Variants in SLC47A1 observed in about 807,000 individuals in gnomAD.
The protein encoded by SLC47A1 is solute carrier family 47 member 1, also known as multidrug and toxin extrusion protein 1.
In SLC47A1, 58 loss-of-function variants were observed where a neutral mutation model predicts 65.8. The ratio of observed to expected loss-of-function variants is 0.88; its 90% confidence interval spans 0.71 to 1.10. The LOEUF is 1.10. SLC47A1 is among the 50% of genes least tolerant of loss of function. SLC47A1 has a pLI of 0.00. For synonymous variants in SLC47A1, 285 were observed against 295.0 expected (o/e 0.97, Z 0.35); for missense variants, 706 against 719.2 (o/e 0.98, Z 0.21).
chr17:19,577,493 G>C lies in SLC47A1; in HGVS notation c.1653G>C (p.Leu551=). ...TGCTGCGGCGAGGGCTTCTGCTCCT[G>C]GGGGTCTTCTTAATCTTGCTGGTGG... The part of the protein sequence containing the change: ...QLVLRRGLLL[L]GVFLILLVGI... The change falls in exon 17 of 17, where the codon CTG becomes CTC. Residue 551 remains leucine (L), a synonymous_variant. Transcript: ENST00000270570. 6.2e-7 allele frequency: 1 copy of C among 1,614,146 alleles called. No individual in the cohort carries two copies. Among genetic ancestry groups the C allele is most frequent in the Middle Eastern group, 1.6e-4 (1 of 6,062 alleles).
chr17:19,575,401 CTTT>C (rs1215041320), intron 16 of SLC47A1, among the ~76,000 whole-genome samples: 9 of 137,132 alleles, frequency 6.6e-5, no homozygotes, highest in Non-Finnish European at 9.4e-5. Context: ...ATTATTATTC[CTTT>C]TTTTTTTTTT....
chr17:19,577,239 A>G (rs2084447697), intron 16 of SLC47A1, 88 bp from the exon 17 acceptor site: 1 of 1,529,732 alleles, frequency 6.5e-7, no homozygotes. Context: ...TCTCTCCACT[A>G]TTAGCACATA....
rs549431476 is a variant in SLC47A1, at chr17:19,561,512, G to A, written c.1106+1019G>A. ...GAAAAAATTAGCTGGGCGTGGTGGCGGGCGCCTGTAGTCCCAGCTACTTGG... is the reference window on the plus strand; with the variant it reads ...GAAAAAATTAGCTGGGCGTGGTGGCAGGCGCCTGTAGTCCCAGCTACTTGG... On this transcript the variant is annotated intron_variant, in intron 12 of 16. Coordinates refer to ENST00000270570, the MANE Select transcript of SLC47A1 (RefSeq NM_018242.3). 9.9e-5 allele frequency among the ~76,000 whole-genome samples: 15 copies of A among 151,134 alleles called. No homozygotes were observed. The East Asian group carries it at 1.8e-3, about 18-fold the overall frequency.
In SLC47A1 at chr17:19,534,000, C is replaced by A; in HGVS notation, c.61C>A (p.Arg21Ser). Residue 21 changes from arginine (R) to serine (S), a missense_variant, in exon 1 of 17, where the codon CGT becomes AGT. By Grantham distance (110) the Arg-to-Ser change is moderately radical. Coordinates refer to ENST00000270570, the MANE Select transcript of SLC47A1 (RefSeq NM_018242.3). ...AGGCCCGGAGGCCACCCTTGAGGTC[C>A]GTGGGTCGCGCTGCTTGCGGCTGTC... is the stretch of plus-strand genomic sequence containing the variant. ...RGGPEATLEV[R>S]GSRCLRLSAF... 6.5e-7 allele frequency: 1 copy of A among 1,544,908 alleles called. No individual in the cohort carries two copies. Among genetic ancestry groups the A allele is most frequent in the East Asian group, 2.5e-5 (1 of 40,602 alleles).
At chr17:19,548,962 G>A (rs1466797955) in intron 4 of SLC47A1, among the ~76,000 whole-genome samples, 1 of 152,114 alleles carries the variant, frequency 6.6e-6, no homozygotes, top group Admixed American at 6.6e-5. Flanking sequence ...GACAATGTCT[G>A]AAGACATTTC....
chr17:19,565,453 G>C (rs2084348141), intron 12 of SLC47A1, among the ~76,000 whole-genome samples: 1 of 152,120 alleles, frequency 6.6e-6, no homozygotes. Flanking sequence ...GGGAACGGGG[G>C]AGGGATGTCA....
chr17:19,560,056 T>G, intron 10 of SLC47A1, 132 bp from the exon 11 acceptor site: 1 of 643,924 alleles, frequency 1.6e-6, no homozygotes, highest in Non-Finnish European at 2.7e-6. Flanking sequence ...AAAGGGGATG[T>G]TGCAAATCAG....
At position 19,558,020 on chromosome 17, in the gene SLC47A1, A is replaced by G. The variant is rs1916669755; in HGVS notation, c.921+1958A>G. 3 of 216,758 alleles carry G rather than the reference A, an allele frequency of 1.4e-5. No individual in the cohort carries two copies. In the South Asian group the frequency reaches 2.0e-4, roughly 14 times the overall value. The allele number at this position is 216,758 out of a possible 1,614,324, so 13.4% of individuals were successfully genotyped here. A position where few individuals can be genotyped will look rare whatever the true frequency, so the allele number is the denominator to read the frequency against. On this transcript the variant is annotated intron_variant, in intron 10 of 16. Transcript: ENST00000270570. ...TTTACACTTGTATTTCTTAATCAAA[A>G]GAAAGATGTATGCCCTTTCCTCAGG...
At position 19,555,547 on chromosome 17, in the gene SLC47A1, G is replaced by A; in HGVS notation, c.642-46G>A. 2.5e-6 allele frequency: 4 copies of A among 1,578,142 alleles called. No individual in the cohort carries two copies. The East Asian group carries it at 9.0e-5, about 35-fold the overall frequency. On this transcript the variant is annotated intron_variant, in intron 7 of 16. Transcript: ENST00000270570. The stretch of plus-strand genomic sequence containing the variant: ...CCCTCCTCACTGAGTTGGGCAGGGA[G>A]AGGCGCAGGAAGGTACCTCCCTCTC...
rs1916446407 is a variant in SLC47A1 at position 19,551,467 on chromosome 17, A to G, written c.542A>G (p.Gln181Arg). The part of the protein sequence containing the change: ...YMLQVKYLLN[Q>R]GIVLPQIVTG... ...TTACAAGTTAAATATTTGCTCAACC[A>G]GGTAATACTGACTGTTCTCTTCCTT... The change falls in exon 6 of 17, where the codon CAG becomes CGG. Residue 181 changes from glutamine to arginine, a missense_variant and splice_region_variant. Coordinates refer to ENST00000270570, the MANE Select transcript of SLC47A1 (RefSeq NM_018242.3). 2.5e-6 allele frequency: 4 copies of G among 1,609,862 alleles called. 1 individual carries two copies. The South Asian group carries it at 4.4e-5, about 18-fold the overall frequency.
At chr17:19,556,377 A>G (rs1412840947) in intron 10 of SLC47A1, among the ~76,000 whole-genome samples, 1 of 152,066 alleles carries the variant, frequency 6.6e-6, no homozygotes. Flanking sequence ...TTGTCACAAC[A>G]CAAATGCCTT....
At chr17:19,556,385 C>T (rs1916612787) in intron 10 of SLC47A1, among the ~76,000 whole-genome samples, 1 of 152,000 alleles carries the variant, frequency 6.6e-6, no homozygotes, top group Non-Finnish European at 1.5e-5. Context: ...ACACAAATGC[C>T]TTGAGGGGCC....
chr17:19,550,686 T>A (rs1916423644), intron 5 of SLC47A1, among the ~76,000 whole-genome samples: 1 of 152,166 alleles, frequency 6.6e-6, no homozygotes, highest in African/African-American at 2.4e-5. Flanking sequence ...CGTAATATAA[T>A]ACCACACACT....
intron 8 of SLC47A1, 38 bp downstream of exon 8, chr17:19,555,728 G>T: frequency 6.2e-7 from 1 of 1,613,648 alleles, no homozygotes; most frequent in African/African-American, 1.3e-5. Context: ...TGGGATGTGG[G>T]TTTTGTCTCA....
At chr17:19,553,602 C>T (rs1192889658) in intron 6 of SLC47A1, among the ~76,000 whole-genome samples, 21 of 148,334 alleles carry the variant, frequency 1.4e-4, no homozygotes, top group African/African-American at 4.8e-4. Flanking sequence ...AGTGCAGTGA[C>T]GTGACCTCGG....
rs76164274 is a variant in SLC47A1 at position 19,533,874 on chromosome 17, T to TCACTGCCGGCCTCCGCGGTACC, written c.-48_-27dup. 315 of 1,380,790 alleles carry TCACTGCCGGCCTCCGCGGTACC rather than the reference T, an allele frequency of 2.3e-4. 2 individuals are homozygous for TCACTGCCGGCCTCCGCGGTACC. In the African/African-American group the frequency reaches 3.0e-3, roughly 13 times the overall value. 85.5% of individuals were successfully genotyped at this position (1,380,790 alleles called of 1,614,324 possible). ...TACCCACTGCCGGCCTGCGCGGTAC[T>TCACTGCCGGCCTCCGCGGTACC]CACTGCCGGCCTCCGCGGTACCCAC... On this transcript the variant is annotated 5_prime_UTR_variant, in exon 1 of 17. Coordinates refer to ENST00000270570, the MANE Select transcript of SLC47A1 (RefSeq NM_018242.3).
Position 19,534,050 on chromosome 17 carries a change from G to A in SLC47A1, c.111G>A (p.Ala37=). 1 of 1,547,084 alleles carries A rather than the reference G, an allele frequency of 6.5e-7. No individual in the cohort carries two copies. Among genetic ancestry groups the A allele is most frequent in the South Asian group, 1.2e-5 (1 of 82,726 alleles). ...CCGCCTTCCGAGAAGAGCTGCGGGCGCTCTTGGTCCTGGCTGGCCCCGCGG... is the reference window on the plus strand; with the variant it reads ...CCGCCTTCCGAGAAGAGCTGCGGGCACTCTTGGTCCTGGCTGGCCCCGCGG... The part of the protein sequence containing the change: ...RLSAFREELR[A]LLVLAGPAFL... Residue 37 remains alanine, a synonymous_variant, in exon 1 of 17, where the codon GCG becomes GCA. Coordinates refer to ENST00000270570, the MANE Select transcript of SLC47A1 (RefSeq NM_018242.3).
At chr17:19,545,581 C>T (rs968192166) in intron 2 of SLC47A1, among the ~76,000 whole-genome samples, 1 of 152,038 alleles carries the variant, frequency 6.6e-6, no homozygotes. Context: ...ACCTCTGCTT[C>T]TTGGGATCAA....
At position 19,549,659 on chromosome 17, in the gene SLC47A1, CTTCATT is replaced by C. The variant is rs1340968480; in HGVS notation, c.481_486del (p.Phe161_Ile162del). 6.2e-7 allele frequency: 1 copy of C among 1,614,196 alleles called. No individual in the cohort carries two copies. On this transcript the variant is annotated inframe_deletion, in exon 5 of 17. Coordinates refer to ENST00000270570, the MANE Select transcript of SLC47A1 (RefSeq NM_018242.3). ...GGCTTACCCAGACCTATGTCACGAT[CTTCATT>C]CCAGCTCTTCCTGTAAGTGCTCAAG... is the stretch of plus-strand genomic sequence containing the variant.
Sources: allele counts gnomAD v4.1 joint callset (sites outside exome capture counted in the v4.1 genomes callset), GRCh38; gene constraint gnomAD v4.1.1; transcripts MANE v1.5; gene names NCBI Gene and HGNC (gene_info 2026-07-23, HGNC 2026-07-21).